PHC2: variants seen among roughly 807,000 people sequenced by gnomAD.
PHC2 encodes the protein polyhomeotic-like protein 2.
A neutral mutation model predicts 87.4 loss-of-function variants in PHC2; 29 were observed. The observed-to-expected ratio is 0.33, with a 90% CI of 0.25 to 0.45. PHC2 has a LOEUF of 0.45. Among genes scored for constraint, PHC2 ranks in the 20% least tolerant of loss-of-function variants. The pLI is 1.00. For missense variants in PHC2, 857 were observed against 1,136.7 expected (o/e 0.75, Z 3.54); for synonymous variants, 438 against 461.7 (o/e 0.95, Z 0.66).
rs1299437260 is a variant in PHC2 at position 33,331,187 on chromosome 1, G to A, written c.2006+161C>T. 6.6e-6 allele frequency among the ~76,000 whole-genome samples: 1 copy of A among 152,116 alleles called. No individual in the cohort carries two copies. The highest frequency in any genetic ancestry group is 1.5e-5 in the Non-Finnish European group (1 of 68,022). On this transcript the variant is annotated intron_variant, in intron 12 of 14. Transcript: ENST00000683057. The surrounding 1 kb of genome is among the most constrained non-coding windows in gnomAD (Gnocchi z 5.2). ...CTGCTCTTAGGGGTTCTGGCTTCTC[G>A]TGCTTGTTGAATTAGGGATGCCATC...
intron 1 of PHC2, among the ~76,000 whole-genome samples, chr1:33,423,258 C>T (rs184017449): frequency 6.6e-6 from 1 of 152,136 alleles, no homozygotes; most frequent in East Asian, 1.9e-4. Flanking sequence ...CAAATGCAAG[C>T]CTTATTTGTA....
At position 33,363,837 on chromosome 1, in the gene PHC2, C is replaced by T. The variant is rs1049675331; in HGVS notation, c.976+3279G>A. On this transcript the variant is annotated intron_variant, in intron 7 of 14. Transcript: ENST00000683057. ...GGGGCTGTGGCCCACTCCCTTAGGA[C>T]TCGGCTTCCCTGAAGGCCAGGCCCA... is the stretch of plus-strand genomic sequence containing the variant. 1.8e-5 allele frequency: 18 copies of T among 985,220 alleles called. No individual in the cohort carries two copies. In the African/African-American group the frequency reaches 2.6e-4, roughly 14 times the overall value. The allele number at this position is 985,220 out of a possible 1,614,324, so 61.0% of individuals were successfully genotyped here.
rs1646923822 is a variant in PHC2, at chr1:33,349,720, G to C, written c.1558+4681C>G. ...CTCTCCGCCGGGAGCCTCCGAGCCG[G>C]GGCCCGGGGCTGCCGCGGCGCATCC... is the stretch of plus-strand genomic sequence containing the variant. On this transcript the variant is annotated intron_variant, in intron 9 of 14. Transcript: ENST00000683057. The surrounding 1 kb of genome is among the most constrained non-coding windows in gnomAD (Gnocchi z 4.2). 5 of 994,240 alleles carry C rather than the reference G, an allele frequency of 5.0e-6. No homozygotes were observed. Among genetic ancestry groups the C allele is most frequent in the Non-Finnish European group, 6.0e-6 (5 of 834,792 alleles). 61.6% of individuals were successfully genotyped at this position (994,240 alleles called of 1,614,324 possible).
At chr1:33,362,311 G>A (rs558725594) in intron 7 of PHC2, among the ~76,000 whole-genome samples, 1 of 152,334 alleles carries the variant, frequency 6.6e-6, no homozygotes, top group African/African-American at 2.4e-5. Flanking sequence ...ATAACTCTGT[G>A]AGTCTGGGGT....
intron 10 of PHC2, chr1:33,333,192 GA>G (rs1646543388): frequency 1.3e-5 from 2 of 152,204 alleles, no homozygotes; most frequent in African/African-American, 4.8e-5. Context: ...ACTGGCCTTG[GA>G]CAACCTCCAG....
intron 1 of PHC2, among the ~76,000 whole-genome samples, chr1:33,396,832 T>C (rs1649314291): frequency 6.6e-6 from 1 of 152,212 alleles, no homozygotes; most frequent in Non-Finnish European, 1.5e-5. Context: ...TGCATTTCTT[T>C]GGAGGAGACA....
In PHC2 at chr1:33,330,143, T is replaced by C. The variant is rs1646459442; in HGVS notation, c.2076A>G (p.Gly692=). 6 of 1,614,092 alleles carry C rather than the reference T, an allele frequency of 3.7e-6. No homozygotes were observed. Among genetic ancestry groups the C allele is most frequent in the Non-Finnish European group, 5.1e-6 (6 of 1,180,042 alleles). The stretch of plus-strand genomic sequence containing the variant: ...CCCGACGGCGGTTGTGGGTCGCAGC[T>C]CCTGCCTTCTGCAGCTTGCTCCGGT... ...HSDRSKLQKA[G]AATHNRRRAS... is the part of the protein sequence containing the mutation. Residue 692 remains glycine (G), a synonymous_variant, in exon 13 of 15, where the codon GGA becomes GGG. Transcript: ENST00000683057.
chr1:33,419,052 C>T (rs2148402092), intron 1 of PHC2, among the ~76,000 whole-genome samples: 1 of 152,330 alleles, frequency 6.6e-6, no homozygotes, highest in Middle Eastern at 3.4e-3. Flanking sequence ...TACCTAACTT[C>T]TCTGTGCACT....
chr1:33,337,220 T>C (rs193091281), intron 9 of PHC2, among the ~76,000 whole-genome samples: 1 of 152,334 alleles, frequency 6.6e-6, no homozygotes, highest in East Asian at 1.9e-4. Context: ...TTGCCAATGC[T>C]TGAAAATTTT....
intron 7 of PHC2, among the ~76,000 whole-genome samples, chr1:33,360,969 C>T (rs1456293891): frequency 6.6e-6 from 1 of 152,158 alleles, no homozygotes; most frequent in East Asian, 1.9e-4. Context: ...TAAGGACGAG[C>T]GAGTACCGCA....
intron 1 of PHC2, among the ~76,000 whole-genome samples, chr1:33,420,384 C>T (rs767996668): frequency 6.6e-6 from 1 of 152,020 alleles, no homozygotes; most frequent in African/African-American, 2.4e-5. Context: ...TTACTAAGGT[C>T]GCTAGTAAGA....
Position 33,324,567 on chromosome 1 carries a change from C to CAGAAAGAGGGGA in PHC2, c.*286_*297dup. The CAGAAAGAGGGGA allele has an allele frequency of 3.7e-6, 1 of 267,336 alleles. No homozygotes were observed. The highest frequency in any genetic ancestry group is 7.0e-6 in the Non-Finnish European group (1 of 142,560). The allele number at this position is 267,336 out of a possible 1,614,324, so 16.6% of individuals were successfully genotyped here. A position where few individuals can be genotyped will look rare whatever the true frequency, so the allele number is the denominator to read the frequency against. ...CATATACCCCCTGGAAAATGGGGGA[C>CAGAAAGAGGGGA]AGAAAGAGGGGAAGAGAGCGGGGCT... On this transcript the variant is annotated 3_prime_UTR_variant, in exon 15 of 15. Transcript: ENST00000683057.
chr1:33,372,787 A>C (rs1340748528), intron 2 of PHC2, among the ~76,000 whole-genome samples: 1 of 152,240 alleles, frequency 6.6e-6, no homozygotes, highest in Non-Finnish European at 1.5e-5. Flanking sequence ...GGGAGACAGA[A>C]GGGTCTCCAC....
chr1:33,364,165 G>C lies in PHC2; in HGVS notation c.976+2951C>G, dbSNP rs907389175. On this transcript the variant is annotated intron_variant, in intron 7 of 14. Coordinates refer to ENST00000683057, the MANE Select transcript of PHC2 (RefSeq NM_001385109.1). The surrounding 1 kb of genome is among the most constrained non-coding windows in gnomAD (Gnocchi z 4.1). ...TGTCAGTGGGAGCAGTCCCAGCTGG[G>C]ACTGGAGGGTCTGCCTGCTCTGGGA... Among the ~76,000 whole-genome samples, 1 of 152,036 alleles carries C rather than the reference G, an allele frequency of 6.6e-6. No individual in the cohort carries two copies. Among genetic ancestry groups the C allele is most frequent in the Non-Finnish European group, 1.5e-5 (1 of 68,002 alleles).
At chr1:33,430,086 G>A (rs1650839424) in intron 1 of PHC2, among the ~76,000 whole-genome samples, 1 of 152,104 alleles carries the variant, frequency 6.6e-6, no homozygotes, top group African/African-American at 2.4e-5. Flanking sequence ...ATTGGGGGAG[G>A]GGGATAATTA....
chr1:33,417,000 A>G (rs1650239100), intron 1 of PHC2, among the ~76,000 whole-genome samples: 1 of 152,146 alleles, frequency 6.6e-6, no homozygotes, highest in Non-Finnish European at 1.5e-5. Context: ...AGAAGGGAAA[A>G]ATGGAAGTAT....
intron 1 of PHC2, among the ~76,000 whole-genome samples, chr1:33,413,890 G>T (rs1446858310): frequency 6.6e-6 from 1 of 152,154 alleles, no homozygotes; most frequent in Non-Finnish European, 1.5e-5. Flanking sequence ...GTACATGACT[G>T]CAAGATGGAT....
chr1:33,336,041 C>T (rs970080350), intron 9 of PHC2, among the ~76,000 whole-genome samples: 36 of 151,124 alleles, frequency 2.4e-4, no homozygotes, highest in African/African-American at 8.7e-4. Flanking sequence ...CAGGCTGGAA[C>T]GCAGTGGTGC....
intron 7 of PHC2, among the ~76,000 whole-genome samples, chr1:33,366,047 G>A (rs1238686464): frequency 1.3e-5 from 2 of 152,160 alleles, no homozygotes; most frequent in African/African-American, 2.4e-5. Flanking sequence ...TCTATATCTG[G>A]TTCCCTTCTT....
Sources: gnomAD v4.1 joint callset for allele counts (sites outside exome capture counted in the v4.1 genomes callset) on GRCh38, gnomAD v4.1.1 for gene constraint, Gnocchi (gnomAD v3.1) non-coding constraint, MANE v1.5 for transcripts, NCBI Gene and HGNC (gene_info 2026-07-23, HGNC 2026-07-21) for gene names.